Variants in CCDC88A observed in about 807,000 individuals in gnomAD.
The protein encoded by CCDC88A is coiled-coil and HOOK domain protein 88A, also known as girdin.
CCDC88A carries 54 observed loss-of-function variants against 234.3 expected under a neutral mutation model. The ratio of observed to expected loss-of-function variants is 0.23; its 90% CI spans 0.19 to 0.29. CCDC88A has a LOEUF of 0.29. Ranked by LOEUF, CCDC88A falls within the 10% of genes least tolerant of loss-of-function variation. CCDC88A has a pLI of 1.00. For missense variants in CCDC88A, 1,832 were observed against 2,123.4 expected (o/e 0.86, Z 2.70); for synonymous variants, 753 against 737.8 (o/e 1.02, Z -0.33).
intron 5 of CCDC88A, among the ~76,000 whole-genome samples, chr2:55,366,454 G>A (rs1282041099): frequency 6.6e-6 from 1 of 151,852 alleles, no homozygotes; most frequent in Non-Finnish European, 1.5e-5. Context: ...TTGAACCCAG[G>A]AGGCGGAGGT....
At position 55,332,497 on chromosome 2, in the gene CCDC88A, A is replaced by T; in HGVS notation, c.2855+69T>A. ...TAAATGTTTTCTATAGCTAGTACAGAAAGAATTCATGTATGAGCAAAAAAA... is the reference window on the plus strand; with the variant it reads ...TAAATGTTTTCTATAGCTAGTACAGTAAGAATTCATGTATGAGCAAAAAAA... On this transcript the variant is annotated intron_variant, in intron 16 of 32. Coordinates refer to ENST00000436346, the MANE Select transcript of CCDC88A (RefSeq NM_001365480.1). This position sits in a 1 kb window ranked among gnomAD's most constrained non-coding sequence, Gnocchi z 4.5. 1 of 1,556,224 alleles carries T rather than the reference A, an allele frequency of 6.4e-7. No homozygotes were observed. The highest frequency in any genetic ancestry group is 8.6e-7 in the Non-Finnish European group (1 of 1,158,316).
At chr2:55,374,913 TG>T in intron 3 of CCDC88A, 30 bp from the exon 4 acceptor site, 1 of 1,331,122 alleles carries the variant, frequency 7.5e-7, no homozygotes, top group Non-Finnish European at 1.1e-6. Flanking sequence ...ACTTGTTATA[TG>T]GGTAATGCTA....
At chr2:55,346,118 T>C in intron 10 of CCDC88A, 57 bp downstream of exon 10, 1 of 1,216,438 alleles carries the variant, frequency 8.2e-7, no homozygotes, top group Non-Finnish European at 1.2e-6. Flanking sequence ...GCATTTTAAA[T>C]GTGTTAAAAT....
chr2:55,355,737 G>C lies in CCDC88A; in HGVS notation c.642C>G (p.Leu214=), dbSNP rs775953608. ...AATGGAGACCATCCCGCTCTTCAGA[G>C]AGTTCTATGATAGTCTAGAAATACA... ...RDEHSETIIE[L]SEERDGLHFL... The change falls in exon 8 of 33, where the codon CTC becomes CTG. Residue 214 remains leucine (L), a synonymous_variant. Coordinates refer to ENST00000436346, the MANE Select transcript of CCDC88A (RefSeq NM_001365480.1). 5.0e-6 allele frequency: 8 copies of C among 1,613,328 alleles called. No individual in the cohort carries two copies. The East Asian group carries it at 8.9e-5, about 18-fold the overall frequency.
rs760298483 is a variant in CCDC88A at position 55,355,759 on chromosome 2, T to C, written c.628-8A>G. 32 of 1,602,342 alleles carry C rather than the reference T, an allele frequency of 2.0e-5. No homozygotes were observed. The highest frequency in any genetic ancestry group is 2.7e-5 in the African/African-American group (2 of 74,718). ...AGAGAGTTCTATGATAGTCTAGAAA[T>C]ACACACAGAATCACTTTCAGTATTC... On this transcript the variant is annotated splice_polypyrimidine_tract_variant and splice_region_variant and intron_variant, in intron 7 of 32. Coordinates refer to ENST00000436346, the MANE Select transcript of CCDC88A (RefSeq NM_001365480.1).
At chr2:55,408,394 C>G (rs140190249) in intron 2 of CCDC88A, among the ~76,000 whole-genome samples, 7 of 152,196 alleles carry the variant, frequency 4.6e-5, no homozygotes, top group African/African-American at 1.7e-4. Context: ...CATTCCCGGA[C>G]AGTTAGGCAT....
chr2:55,349,666 T>C (rs919758723), intron 8 of CCDC88A, 67 bp from the exon 9 acceptor site: 8 of 1,032,776 alleles, frequency 7.7e-6, no homozygotes, highest in South Asian at 2.8e-5. Context: ...TCTGCGTTAA[T>C]ATAAATGTAT....
chr2:55,341,959 A>G, intron 12 of CCDC88A, among the ~76,000 whole-genome samples: 1 of 152,252 alleles, frequency 6.6e-6, no homozygotes, highest in East Asian at 1.9e-4. Context: ...ATGCTATGAG[A>G]GTTCTATTTC....
chr2:55,349,715 A>C, intron 8 of CCDC88A, 116 bp from the exon 9 acceptor site: 1 of 622,016 alleles, frequency 1.6e-6, no homozygotes, highest in East Asian at 2.9e-5. Flanking sequence ...AGTATTAGCC[A>C]TAACCCTAAT....
At chr2:55,346,650 C>T (rs968006841) in intron 9 of CCDC88A, among the ~76,000 whole-genome samples, 6 of 152,220 alleles carry the variant, frequency 3.9e-5, no homozygotes, top group African/African-American at 1.4e-4. Flanking sequence ...AAACTCCTGA[C>T]CTCAGGTGAT....
At chr2:55,316,641 G>A (rs1279148611) in intron 21 of CCDC88A, among the ~76,000 whole-genome samples, 2 of 152,142 alleles carry the variant, frequency 1.3e-5, no homozygotes, top group Non-Finnish European at 2.9e-5. Flanking sequence ...GGGCTAAGGT[G>A]GAAGGATTGC....
chr2:55,316,227 G>A, intron 21 of CCDC88A, 113 bp from the exon 22 acceptor site: 1 of 436,116 alleles, frequency 2.3e-6, no homozygotes, highest in Non-Finnish European at 3.9e-6. Context: ...ATAAAAGACT[G>A]TTTTACAAGT....
In CCDC88A at chr2:55,344,429, T is replaced by G; in HGVS notation, c.1127A>C (p.Lys376Thr). The change falls in exon 11 of 33, where the codon AAA (lysine) becomes ACA (threonine). Residue 376 changes from lysine to threonine, a missense_variant. Lys to Thr is a moderately conservative substitution (Grantham distance 78). Transcript: ENST00000436346. ...GTTCTCTTTTTCTAATTCATGTAAT[T>G]TATCAGAACGAGCACGAGTTCCCTC... ...QLEGTRARSD[K>T]LHELEKENLQ... The G allele has an allele frequency of 6.3e-7, 1 of 1,587,708 alleles. No individual in the cohort carries two copies. The highest frequency in any genetic ancestry group is 1.2e-5 in the South Asian group (1 of 86,620).
At chr2:55,375,155 G>A (rs1471813484) in intron 3 of CCDC88A, among the ~76,000 whole-genome samples, 1 of 147,482 alleles carries the variant, frequency 6.8e-6, no homozygotes, top group African/African-American at 2.7e-5. Flanking sequence ...AAGCCAGGGT[G>A]GGAGGATCAC....
At chr2:55,376,288 A>G (rs780282880) in intron 3 of CCDC88A, among the ~76,000 whole-genome samples, 43 of 152,360 alleles carry the variant, frequency 2.8e-4, no homozygotes, top group Non-Finnish European at 5.9e-4. Context: ...CAGATTCTTC[A>G]TAAATTGACT....
intron 2 of CCDC88A, chr2:55,406,045 C>A (rs1679504304): frequency 6.6e-6 from 1 of 151,612 alleles, no homozygotes; most frequent in Non-Finnish European, 1.5e-5. Context: ...GTAGTCCCAG[C>A]AACTCAGGAT....
At chr2:55,346,471 G>A (rs1437668526) in intron 9 of CCDC88A, 138 bp from the exon 10 acceptor site, 2 of 423,378 alleles carry the variant, frequency 4.7e-6, no homozygotes, top group Non-Finnish European at 8.0e-6. Flanking sequence ...CCAGGCTGGA[G>A]TGCAATGGTG....
chr2:55,418,363 T>C (rs1006892881), intron 2 of CCDC88A: 1 of 162,166 alleles, frequency 6.2e-6, no homozygotes, highest in African/African-American at 2.4e-5. Context: ...TTTTCTCTTC[T>C]GAAATCTGCT....
chr2:55,330,518 C>A (rs776635018), intron 16 of CCDC88A, among the ~76,000 whole-genome samples: 14 of 151,880 alleles, frequency 9.2e-5, no homozygotes, highest in Non-Finnish European at 1.0e-4. Flanking sequence ...GAATTAGGGG[C>A]ATCATTTGAG....
Sources: allele counts gnomAD v4.1 joint callset (sites outside exome capture counted in the v4.1 genomes callset), GRCh38; gene constraint gnomAD v4.1.1; non-coding constraint Gnocchi (gnomAD v3.1); transcripts MANE v1.5; gene names NCBI Gene and HGNC (gene_info 2026-07-23, HGNC 2026-07-21).